Variants in SPAG16 observed in about 807,000 individuals in gnomAD.
The protein encoded by SPAG16 is sperm associated antigen 16.
SPAG16 carries 86 observed loss-of-function variants against 80.4 expected under a neutral mutation model. That is an observed-to-expected ratio of 1.07 (90% CI 0.90 to 1.28). The LOEUF is 1.28. Ranked by LOEUF, SPAG16 falls within the 50% of genes most tolerant of loss-of-function variation. The pLI is 0.00. For synonymous variants in SPAG16, 294 were observed against 265.9 expected (o/e 1.11, Z -1.03); for missense variants, 870 against 765.3 (o/e 1.14, Z -1.61).
intron 10 of SPAG16, among the ~76,000 whole-genome samples, chr2:213,634,936 T>TAATATATATATATATATATA (rs1340907579): frequency 3.3e-4 from 50 of 151,666 alleles, no homozygotes; most frequent in Middle Eastern, 3.4e-3. Flanking sequence ...ATTATTTCAC[T>TAATATATATATATATATATA]CATATATATA....
rs1559472711 is a variant in SPAG16 at position 213,378,299 on chromosome 2, T to C, written c.942+3180T>C. Among the ~76,000 whole-genome samples, 4 of 152,178 alleles carry C rather than the reference T, an allele frequency of 2.6e-5. No individual in the cohort carries two copies. In the South Asian group the frequency reaches 8.3e-4, roughly 32 times the overall value. Reference sequence around the variant, plus strand: ...CACCCAGGATCAATACTTTGCATCCTTCAATTCAGTCAAGTTGACAGTATT... The same window carrying C: ...CACCCAGGATCAATACTTTGCATCCCTCAATTCAGTCAAGTTGACAGTATT... On this transcript the variant is annotated intron_variant, in intron 9 of 15. Coordinates refer to ENST00000331683, the MANE Select transcript of SPAG16 (RefSeq NM_024532.5).
chr2:213,431,820 G>T (rs2134602), intron 9 of SPAG16, among the ~76,000 whole-genome samples: 1 of 151,794 alleles, frequency 6.6e-6, no homozygotes. Context: ...AGCGCATGCA[G>T]CATTCTCCAA....
chr2:214,133,289 C>G (rs560195699), intron 14 of SPAG16, among the ~76,000 whole-genome samples: 1 of 151,870 alleles, frequency 6.6e-6, no homozygotes, highest in Admixed American at 6.6e-5. Flanking sequence ...TTTCTAGTTG[C>G]GAAATCAAAG....
At chr2:214,297,957 T>C (rs1474087076) in intron 15 of SPAG16, among the ~76,000 whole-genome samples, 6 of 151,570 alleles carry the variant, frequency 4.0e-5, no homozygotes, top group Non-Finnish European at 7.4e-5. Flanking sequence ...TAATAATGTT[T>C]TCAGTTCCAA....
intron 13 of SPAG16, among the ~76,000 whole-genome samples, chr2:214,056,610 G>T (rs2049960599): frequency 6.6e-6 from 1 of 152,038 alleles, no homozygotes; most frequent in African/African-American, 2.4e-5. Flanking sequence ...CCTTGATGTT[G>T]ATGACTGCTG....
chr2:213,866,074 C>T (rs567222222), intron 11 of SPAG16, among the ~76,000 whole-genome samples: 48 of 151,322 alleles, frequency 3.2e-4, no homozygotes, highest in African/African-American at 1.1e-3. Context: ...AAAGTTTTAC[C>T]TTGCATGCCC....
Position 213,371,099 on chromosome 2 carries a change from C to T in SPAG16, c.833-3911C>T, listed in dbSNP as rs537149680. On this transcript the variant is annotated intron_variant, in intron 8 of 15. Transcript: ENST00000331683. ...GTCTCCAGTTGCTAAAACTTGGTAT[C>T]CTACTTAGGGACTGTAATTTGAAAA... Among the ~76,000 whole-genome samples, 31 of 152,206 alleles carry T rather than the reference C, an allele frequency of 2.0e-4. 1 individual carries two copies. In the South Asian group the frequency reaches 6.2e-3, roughly 31 times the overall value.
intron 10 of SPAG16, among the ~76,000 whole-genome samples, chr2:213,677,234 A>T (rs559305683): frequency 2.0e-5 from 3 of 152,286 alleles, no homozygotes; most frequent in Admixed American, 6.5e-5. Flanking sequence ...ACCAGCTAAC[A>T]TCATAATGAC....
intron 15 of SPAG16, among the ~76,000 whole-genome samples, chr2:214,398,880 T>A (rs1199046318): frequency 1.3e-5 from 2 of 152,222 alleles, no homozygotes; most frequent in African/African-American, 4.8e-5. Flanking sequence ...AATGGAGGTC[T>A]TTCATGTCTC....
chr2:213,878,876 T>G (rs1317084833), intron 11 of SPAG16, among the ~76,000 whole-genome samples: 1 of 152,144 alleles, frequency 6.6e-6, no homozygotes, highest in Non-Finnish European at 1.5e-5. Flanking sequence ...AGCAATCCAG[T>G]TTTCCCAGCA....
At chr2:214,047,962 A>G (rs757693747) in intron 13 of SPAG16, among the ~76,000 whole-genome samples, 4 of 152,200 alleles carry the variant, frequency 2.6e-5, no homozygotes, top group African/African-American at 9.7e-5. Context: ...TGATCTTCAC[A>G]GAAGTGCAAA....
At chr2:213,833,004 C>CT (rs576976463) in intron 10 of SPAG16, among the ~76,000 whole-genome samples, 149 of 152,094 alleles carry the variant, frequency 9.8e-4, no homozygotes, top group African/African-American at 3.3e-3. Context: ...TCATATAATA[C>CT]TTTTTGATTC....
chr2:213,731,641 C>T (rs778517866), intron 10 of SPAG16, among the ~76,000 whole-genome samples: 2 of 152,210 alleles, frequency 1.3e-5, no homozygotes, highest in East Asian at 1.9e-4. Context: ...CTTCCCACCC[C>T]CTGCCCTCCA....
At chr2:213,871,303 A>G (rs1336206113) in intron 11 of SPAG16, among the ~76,000 whole-genome samples, 1 of 152,082 alleles carries the variant, frequency 6.6e-6, no homozygotes, top group Non-Finnish European at 1.5e-5. Context: ...GGGGGAGAGG[A>G]GGGAATGTTA....
intron 15 of SPAG16, among the ~76,000 whole-genome samples, chr2:214,305,153 C>T (rs774670644): frequency 1.3e-5 from 2 of 151,950 alleles, no homozygotes; most frequent in Admixed American, 6.6e-5. Flanking sequence ...TTCATATGTT[C>T]GTTAGCTGCA....
At chr2:214,210,878 T>C (rs1356311573) in intron 15 of SPAG16, among the ~76,000 whole-genome samples, 1 of 152,036 alleles carries the variant, frequency 6.6e-6, no homozygotes, top group Non-Finnish European at 1.5e-5. Flanking sequence ...TGTACTTATA[T>C]ATGGATCTTA....
At chr2:213,349,539 T>C (rs1310817005) in intron 6 of SPAG16, among the ~76,000 whole-genome samples, 1 of 152,164 alleles carries the variant, frequency 6.6e-6, no homozygotes, top group African/African-American at 2.4e-5. Context: ...AACTCCTGGG[T>C]GTTTATCTAA....
intron 9 of SPAG16, among the ~76,000 whole-genome samples, chr2:213,392,556 T>C (rs1234021111): frequency 6.6e-6 from 1 of 151,894 alleles, no homozygotes; most frequent in African/African-American, 2.4e-5. Context: ...AATATGAAAA[T>C]AGTGTTGAGG....
At chr2:213,788,089 T>G (rs549729576) in intron 10 of SPAG16, among the ~76,000 whole-genome samples, 1 of 152,118 alleles carries the variant, frequency 6.6e-6, no homozygotes, top group South Asian at 2.1e-4. Flanking sequence ...TTAACCTTTA[T>G]GAAAGATTTA....
Sources: allele counts gnomAD v4.1 joint callset (sites outside exome capture counted in the v4.1 genomes callset), GRCh38; gene constraint gnomAD v4.1.1; transcripts MANE v1.5; gene names NCBI Gene and HGNC (gene_info 2026-07-23, HGNC 2026-07-21).